Variants in CSMD1 observed in about 807,000 individuals in gnomAD.
CSMD1 encodes CUB and sushi domain-containing protein 1.
A neutral mutation model predicts 417.5 loss-of-function variants in CSMD1; 213 were observed. The ratio of observed to expected loss-of-function variants is 0.51; its 90% CI spans 0.46 to 0.57. The LOEUF is 0.57. Among genes scored for constraint, CSMD1 ranks in the 20% least tolerant of loss-of-function variants. The pLI is 0.00. For synonymous variants in CSMD1, 2,862 were observed against 1,736.8 expected, an observed-to-expected ratio of 1.65 and a Z score of -16.11; for missense variants, 6,923 against 4,529.7, an observed-to-expected ratio of 1.53 and a Z score of -15.17.
intron 48 of CSMD1, 130 bp from the exon 49 acceptor site, chr8:3,087,415 A>G (rs1297197067): frequency 4.3e-6 from 4 of 934,402 alleles, no homozygotes; most frequent in Non-Finnish European, 6.5e-6. Context: ...ACCAGTATGT[A>G]AGTTTGTTCT....
intron 54 of CSMD1, among the ~76,000 whole-genome samples, chr8:2,987,960 T>C (rs1026170790): frequency 3.7e-5 from 5 of 136,728 alleles, no homozygotes; most frequent in African/African-American, 1.1e-4. Context: ...ATGTGTACCA[T>C]GGGGGTTGGC....
rs561092710 is a variant in CSMD1 at position 4,682,009 on chromosome 8, T to C, written c.86-44451A>G. Among the ~76,000 whole-genome samples the C allele has an allele frequency of 3.9e-5, 6 of 152,284 alleles. No homozygotes were observed. The South Asian group carries it at 1.2e-3, about 32-fold the overall frequency. Reference sequence around the variant, plus strand: ...TACGCTTGAAAGGTTTATGTCATTTTATTGGATAAATTTGTTGTTGTTATT... The same window carrying C: ...TACGCTTGAAAGGTTTATGTCATTTCATTGGATAAATTTGTTGTTGTTATT... On this transcript the variant is annotated intron_variant, in intron 1 of 69. Transcript: ENST00000635120.
intron 3 of CSMD1, among the ~76,000 whole-genome samples, chr8:4,358,688 G>C (rs962710427): frequency 3.9e-5 from 6 of 152,104 alleles, no homozygotes; most frequent in Admixed American, 2.0e-4. Context: ...CTTTTTCTAA[G>C]AGTAGAAACC....
At chr8:4,509,077 G>C (rs1019985954) in intron 2 of CSMD1, among the ~76,000 whole-genome samples, 4 of 151,986 alleles carry the variant, frequency 2.6e-5, no homozygotes, top group Non-Finnish European at 4.4e-5. Flanking sequence ...AGAGGAGAGT[G>C]AAGAATAAGG....
At chr8:3,569,102 A>T (rs1437679683) in intron 10 of CSMD1, among the ~76,000 whole-genome samples, 1 of 152,152 alleles carries the variant, frequency 6.6e-6, no homozygotes, top group East Asian at 1.9e-4. Context: ...CTACCAGAAT[A>T]CCCTGGTATG....
chr8:4,296,255 T>A (rs533201799), intron 3 of CSMD1, among the ~76,000 whole-genome samples: 3 of 152,174 alleles, frequency 2.0e-5, no homozygotes, highest in African/African-American at 7.2e-5. Flanking sequence ...CTGGAGGAGT[T>A]TATAGCACCA....
chr8:4,044,693 G>A (rs951824097), intron 3 of CSMD1, among the ~76,000 whole-genome samples: 6 of 151,996 alleles, frequency 3.9e-5, no homozygotes, highest in South Asian at 2.1e-4. Flanking sequence ...TACAATCCTG[G>A]CTGCGTACAA....
At chr8:3,988,764 GAATGTGAAAC>G (rs1349343046) in intron 5 of CSMD1, among the ~76,000 whole-genome samples, 1 of 152,192 alleles carries the variant, frequency 6.6e-6, no homozygotes, top group Non-Finnish European at 1.5e-5. Context: ...AAACAGCCCT[GAATGTGAAAC>G]AATGCTGATT....
intron 37 of CSMD1, among the ~76,000 whole-genome samples, chr8:3,177,934 A>G (rs936382617): frequency 6.6e-6 from 1 of 152,238 alleles, no homozygotes; most frequent in Non-Finnish European, 1.5e-5. Context: ...AGAACGCAGA[A>G]CAAGAGTGAC....
intron 6 of CSMD1, among the ~76,000 whole-genome samples, chr8:3,738,330 A>C (rs190482972): frequency 3.9e-5 from 6 of 152,224 alleles, no homozygotes; most frequent in African/African-American, 1.4e-4. Flanking sequence ...ATTTCAATAC[A>C]TCGTACAATG....
intron 1 of CSMD1, among the ~76,000 whole-genome samples, chr8:4,659,148 G>C (rs1427058519): frequency 6.6e-6 from 1 of 151,950 alleles, no homozygotes; most frequent in African/African-American, 2.4e-5. Flanking sequence ...AATTCCATGA[G>C]AAAATAAAAA....
At chr8:4,177,006 C>G (rs1252203916) in intron 3 of CSMD1, among the ~76,000 whole-genome samples, 2 of 152,024 alleles carry the variant, frequency 1.3e-5, no homozygotes, top group Admixed American at 1.3e-4. Flanking sequence ...CCACTGTCAA[C>G]ATTAGAAATA....
chr8:3,632,306 G>C (rs1796823138), intron 7 of CSMD1, among the ~76,000 whole-genome samples: 1 of 152,052 alleles, frequency 6.6e-6, no homozygotes, highest in African/African-American at 2.4e-5. Context: ...CCATCTCATA[G>C]GTAAAGCCCC....
chr8:3,966,859 G>C (rs1812711196), intron 5 of CSMD1, among the ~76,000 whole-genome samples: 1 of 152,144 alleles, frequency 6.6e-6, no homozygotes, highest in African/African-American at 2.4e-5. Flanking sequence ...GCTCTATTAT[G>C]CTGCATACAA....
intron 1 of CSMD1, among the ~76,000 whole-genome samples, chr8:4,720,997 G>A (rs1809019565): frequency 6.6e-6 from 1 of 152,012 alleles, no homozygotes; most frequent in South Asian, 2.1e-4. Context: ...TATTTGAATG[G>A]AATTTAAATA....
At chr8:3,510,143 T>A (rs145039521) in intron 10 of CSMD1, among the ~76,000 whole-genome samples, 8 of 149,488 alleles carry the variant, frequency 5.4e-5, no homozygotes, top group Non-Finnish European at 1.0e-4. Context: ...AGAATACATA[T>A]CTGTGTATAT....
In CSMD1 at chr8:3,712,398, GAGACAGACAGAC is replaced by G. The variant is rs71203463; in HGVS notation, c.932-3919_932-3908del. Among the ~76,000 whole-genome samples, 226 of 28,870 alleles carry G rather than the reference GAGACAGACAGAC, an allele frequency of 7.8e-3. 3 individuals carry two copies. Among genetic ancestry groups the G allele is most frequent in the East Asian group, 0.071 (37 of 524 alleles). The allele number at this position is 28,870 out of a possible 152,430, so 18.9% of individuals were successfully genotyped here. ...CAGGAGAGAGAGAGAGAGAGAGAGA[GAGACAGACAGAC>G]AGACAGACAGACAGACAGACAGACA... On this transcript the variant is annotated intron_variant, in intron 6 of 69. Coordinates refer to ENST00000635120, the MANE Select transcript of CSMD1 (RefSeq NM_033225.6).
intron 3 of CSMD1, among the ~76,000 whole-genome samples, chr8:4,321,766 C>T (rs952405177): frequency 1.3e-5 from 2 of 152,098 alleles, no homozygotes; most frequent in Non-Finnish European, 2.9e-5. Context: ...AAAAAGGATG[C>T]TTTGAAAATT....
At chr8:3,056,166 G>A (rs1055341948) in intron 49 of CSMD1, among the ~76,000 whole-genome samples, 3 of 152,296 alleles carry the variant, frequency 2.0e-5, no homozygotes, top group Middle Eastern at 3.4e-3. Context: ...GAGTAAGTTG[G>A]TAGGTAGTAA....
Sources: gnomAD v4.1 joint callset for allele counts (sites outside exome capture counted in the v4.1 genomes callset) on GRCh38, gnomAD v4.1.1 for gene constraint, MANE v1.5 for transcripts, NCBI Gene and HGNC (gene_info 2026-07-23, HGNC 2026-07-21) for gene names.